IL17REL: variants seen among roughly 807,000 people sequenced by gnomAD.
The protein encoded by IL17REL is interleukin-17 receptor E-like protein.
Under a neutral mutation model 49.0 loss-of-function variants are expected in IL17REL, and 36 were observed. That is an observed-to-expected ratio of 0.73 (90% CI 0.56 to 0.97). The LOEUF is 0.97. Ranked by LOEUF, IL17REL falls within the 50% of genes least tolerant of loss-of-function variation. The probability of loss-of-function intolerance (pLI) is 0.00; values close to 1 mark genes in which losing one functional copy is unlikely to be tolerated. For synonymous variants in IL17REL, 206 were observed against 192.4 expected (o/e 1.07, Z -0.58); for missense variants, 470 against 453.9 (o/e 1.04, Z -0.32).
At chr22:50,000,092 G>A in intron 4 of IL17REL, 104 bp downstream of exon 6, 1 of 1,125,958 alleles carries the variant, frequency 8.9e-7, no homozygotes, top group Non-Finnish European at 1.2e-6. Context: ...TCGCCCGCCC[G>A]AGGGCCCCTC....
exon 3 of IL17REL, chr22:50,000,857 A>G: frequency 6.4e-7 from 1 of 1,562,310 alleles, no homozygotes; most frequent in Admixed American, 1.9e-5. Context: ...CAGGCCCCGC[A>G]GGCGCTCTGG....
intron 10 of IL17REL, 28 bp downstream of exon 12, chr22:49,997,657 C>T (rs1326406887): frequency 1.2e-6 from 2 of 1,605,156 alleles, no homozygotes; most frequent in African/African-American, 2.7e-5. Context: ...GCTGCGTCCA[C>T]ATTGCGTAGG....
At chr22:49,999,262 TC>T in intron 7 of IL17REL, 28 bp downstream of exon 9, 1 of 1,612,624 alleles carries the variant, frequency 6.2e-7, no homozygotes, top group South Asian at 1.1e-5. Flanking sequence ...TTCCCACCCT[TC>T]CGCCCGTTGG....
chr22:49,992,110 G>A (rs1236579422), downstream of IL17REL, among the ~76,000 whole-genome samples: 1 of 152,188 alleles, frequency 6.6e-6, no homozygotes, highest in Non-Finnish European at 1.5e-5. Flanking sequence ...TTATCTCAGT[G>A]AGCAGACGGA....
At chr22:49,996,685 A>G (rs969748790) in exon 13 of IL17REL, 1 of 274,900 alleles carries the variant, frequency 3.6e-6, no homozygotes. Context: ...TCAGGGCCGG[A>G]TGGTCTCCCC....
At chr22:50,003,519 CAAAAAAAAAA>C (rs142337526) in intron 1 of IL17REL, among the ~76,000 whole-genome samples, 6 of 39,078 alleles carry the variant, frequency 1.5e-4, no homozygotes, top group Non-Finnish European at 2.3e-4. Flanking sequence ...GACTCCATCT[CAAAAAAAAAA>C]AAAAAAAAAA....
intron 5 of IL17REL, 93 bp from the exon 8 acceptor site, chr22:49,999,595 G>GA (rs2061062152): frequency 1.1e-5 from 10 of 927,342 alleles, no homozygotes; most frequent in South Asian, 3.0e-5. Context: ...CGGGAGCGGG[G>GA]ACGGGAGGTG....
intron 11 of IL17REL, 41 bp downstream of exon 13, chr22:49,997,279 C>T (rs2061041359): frequency 1.3e-6 from 2 of 1,585,036 alleles, no homozygotes; most frequent in Non-Finnish European, 8.6e-7. Flanking sequence ...GCCGCCACCA[C>T]CCCCACCTCC....
chr22:49,997,973 C>G lies in IL17REL; in HGVS notation c.819+52G>C, dbSNP rs1001379128. On this transcript the variant is annotated intron_variant, in intron 9 of 12. Transcript: ENST00000341280. ...CCCTGCCCCACTCCCCGCCCTGATG[C>G]CCCCTGGCCCCTCCCCAAATAGGGC... is the stretch of plus-strand genomic sequence containing the variant. The G allele has an allele frequency of 3.2e-6, 5 of 1,579,082 alleles. No individual in the cohort carries two copies. The African/African-American group carries it at 6.9e-5, about 22-fold the overall frequency.
Position 49,999,355 on chromosome 22 carries a change from G to C in IL17REL, c.547-10C>G, listed in dbSNP as rs201952246. The C allele has an allele frequency of 6.2e-7, 1 of 1,612,934 alleles. No homozygotes were observed. The highest frequency in any genetic ancestry group is 2.2e-5 in the East Asian group (1 of 44,854). ...GGGTCGCAGACCAGCCCTGTGGGAGGGGCTGGGGTCAGCGCAGCCCACCCA... is the reference window on the plus strand; with the variant it reads ...GGGTCGCAGACCAGCCCTGTGGGAGCGGCTGGGGTCAGCGCAGCCCACCCA... On this transcript the variant is annotated splice_polypyrimidine_tract_variant and intron_variant, in intron 6 of 12. Transcript: ENST00000341280.
intron 1 of IL17REL, among the ~76,000 whole-genome samples, chr22:50,005,236 G>A (rs2061103015): frequency 6.6e-6 from 1 of 152,086 alleles, no homozygotes; most frequent in African/African-American, 2.4e-5. Flanking sequence ...TTACTGTGTG[G>A]AAAAAACTGT....
At chr22:49,996,967 G>C (rs1317786155) in intron 12 of IL17REL, 27 bp downstream of exon 14, 4 of 1,243,228 alleles carry the variant, frequency 3.2e-6, no homozygotes, top group African/African-American at 1.5e-5. Context: ...GAGATGGCTA[G>C]GGGCTGGGCA....
chr22:50,000,611 G>C lies in IL17REL; in HGVS notation c.220-19C>G. 1 of 1,600,284 alleles carries C rather than the reference G, an allele frequency of 6.2e-7. No individual in the cohort carries two copies. Among genetic ancestry groups the C allele is most frequent in the Non-Finnish European group, 8.6e-7 (1 of 1,168,408 alleles). On this transcript the variant is annotated intron_variant, in intron 3 of 12. Transcript: ENST00000341280. ...CTTGGAGCTGAGCAGGTGCAGGTGT[G>C]AGCTGCGTGGACTCAGAGGCACTGC...
chr22:50,006,041 C>G (rs1350510877), intron 1 of IL17REL, among the ~76,000 whole-genome samples: 1 of 151,904 alleles, frequency 6.6e-6, no homozygotes, highest in Admixed American at 6.6e-5. Context: ...TAGGAGGTTG[C>G]TTTACAGGGG....
At chr22:50,006,339 G>A (rs896010532) in intron 1 of IL17REL, among the ~76,000 whole-genome samples, 9 of 151,978 alleles carry the variant, frequency 5.9e-5, no homozygotes, top group Admixed American at 2.6e-4. Context: ...TGGTTTAAAC[G>A]GCCCCGACAG....
In IL17REL at chr22:49,996,457, C is replaced by T. The variant is rs1426801160; in HGVS notation, c.*448G>A. 2.0e-5 allele frequency: 3 copies of T among 153,386 alleles called. No individual in the cohort carries two copies. In the East Asian group the frequency reaches 5.8e-4, roughly 29 times the overall value. The allele number at this position is 153,386 out of a possible 1,614,324, so 9.5% of individuals were successfully genotyped here. A position where few individuals can be genotyped will look rare whatever the true frequency, so the allele number is the denominator to read the frequency against. Reference sequence around the variant, plus strand: ...CCCTGGGTCCTGGGAGCCTGGGCCTCAGTGGCTGGTGGGCAAAGGGACATC... The same window carrying T: ...CCCTGGGTCCTGGGAGCCTGGGCCTTAGTGGCTGGTGGGCAAAGGGACATC... On this transcript the variant is annotated 3_prime_UTR_variant, in exon 13 of 13. Transcript: ENST00000341280.
upstream of IL17REL, among the ~76,000 whole-genome samples, chr22:50,011,631 C>G (rs781730498): frequency 5.3e-5 from 8 of 152,132 alleles, no homozygotes; most frequent in East Asian, 1.6e-3. Context: ...CCGGTGGACA[C>G]CCCTCCCACC....
rs977243853 is a variant in IL17REL, at chr22:49,994,527, A to G, written c.*2378T>C. ...AGGCCCAAGCTCCATTTTAACAGCT[A>G]CCCCTGGACCAATGTTTACTGAGTG... On this transcript the variant is annotated 3_prime_UTR_variant, in exon 13 of 13. Coordinates refer to ENST00000341280, the Ensembl canonical transcript of IL17REL. The G allele has an allele frequency of 5.9e-5, 9 of 152,186 alleles. No individual in the cohort carries two copies. The East Asian group carries it at 1.7e-3, about 29-fold the overall frequency. The allele number at this position is 152,186 out of a possible 1,614,324, so 9.4% of individuals were successfully genotyped here.
intron 7 of IL17REL, among the ~76,000 whole-genome samples, chr22:49,998,644 C>T (rs999983442): frequency 1.4e-5 from 2 of 145,296 alleles, no homozygotes; most frequent in African/African-American, 5.1e-5. Context: ...GTGTGCCTGC[C>T]TGTGCATGGG....
Sources: gnomAD v4.1 joint callset for allele counts (sites outside exome capture counted in the v4.1 genomes callset) on GRCh38, gnomAD v4.1.1 for gene constraint, MANE v1.5 for transcripts, NCBI Gene and HGNC (gene_info 2026-07-23, HGNC 2026-07-21) for gene names.